Variants in ADAMTS13 observed in about 807,000 individuals in gnomAD.
ADAMTS13 encodes A disintegrin and metalloproteinase with thrombospondin motifs 13.
Under a neutral mutation model 155.1 loss-of-function variants are expected in ADAMTS13, and 110 were observed. The ratio of observed to expected loss-of-function variants is 0.71; its 90% confidence interval spans 0.61 to 0.83. The LOEUF is 0.83. Ranked by LOEUF, ADAMTS13 falls within the 40% of genes least tolerant of loss-of-function variation. The probability of loss-of-function intolerance (pLI) is 0.00; values close to 1 mark genes in which losing one functional copy is unlikely to be tolerated. For missense variants in ADAMTS13, 1,707 were observed against 1,891.7 expected, an observed-to-expected ratio of 0.90 and a Z score of 1.81; for synonymous variants, 758 against 756.4, an observed-to-expected ratio of 1.00 and a Z score of -0.03.
chr9:133,433,253 G>T (rs948118590), intron 9 of ADAMTS13, 125 bp from the exon 10 acceptor site: 1 of 1,316,862 alleles, frequency 7.6e-7, no homozygotes, highest in Non-Finnish European at 1.1e-6. Context: ...TTTGGGGGTC[G>T]CTGTGGGTGG....
chr9:133,425,642 A>T lies in ADAMTS13; in HGVS notation c.414+30A>T, dbSNP rs782241664. 2 of 1,607,852 alleles carry T rather than the reference A, an allele frequency of 1.2e-6. No homozygotes were observed. The highest frequency in any genetic ancestry group is 1.7e-6 in the Non-Finnish European group (2 of 1,176,690). On this transcript the variant is annotated intron_variant, in intron 4 of 28. Coordinates refer to ENST00000355699, the MANE Select transcript of ADAMTS13 (RefSeq NM_139027.6). This position sits in a 1 kb window ranked among gnomAD's most constrained non-coding sequence, Gnocchi z 4.6. ...GCATGGAGCTGGAACTCAGCACACC[A>T]TACAGAGCGGGAAGCCCAAGTCATC...
chr9:133,425,501 G>T lies in ADAMTS13; in HGVS notation c.331-28G>T. On this transcript the variant is annotated intron_variant, in intron 3 of 28. Coordinates refer to ENST00000355699, the MANE Select transcript of ADAMTS13 (RefSeq NM_139027.6). This position sits in a 1 kb window ranked among gnomAD's most constrained non-coding sequence, Gnocchi z 4.6. ...GGGGCTGGCAATGCCCACCCGACGG[G>T]TTACCTCTCTCATCTGCCCTTGCAC... is the stretch of plus-strand genomic sequence containing the variant. 6.2e-7 allele frequency: 1 copy of T among 1,605,086 alleles called. No individual in the cohort carries two copies. The highest frequency in any genetic ancestry group is 8.5e-7 in the Non-Finnish European group (1 of 1,176,124).
At chr9:133,433,582 C>T (rs1363017349) in intron 10 of ADAMTS13, 53 bp downstream of exon 10, 18 of 1,613,662 alleles carry the variant, frequency 1.1e-5, no homozygotes, top group Non-Finnish European at 1.2e-5. Flanking sequence ...ACCATAGTCC[C>T]TAGTTGAAGG....
chr9:133,437,369 C>T (rs1841314740), intron 12 of ADAMTS13, among the ~76,000 whole-genome samples: 2 of 152,098 alleles, frequency 1.3e-5, no homozygotes, highest in African/African-American at 4.8e-5. Flanking sequence ...GGATTCTTGC[C>T]CCTCAGCCTC....
upstream of ADAMTS13, among the ~76,000 whole-genome samples, chr9:133,421,134 C>T (rs914759815): frequency 5.3e-5 from 8 of 152,278 alleles, no homozygotes; most frequent in East Asian, 7.7e-4. Flanking sequence ...GGCGTGATGG[C>T]GGGTGCCTGT....
intron 1 of ADAMTS13, among the ~76,000 whole-genome samples, chr9:133,422,756 A>G (rs909471664): frequency 6.6e-6 from 1 of 151,860 alleles, no homozygotes; most frequent in African/African-American, 2.4e-5. Context: ...TCATTCGGTG[A>G]AGCTGAACAG....
upstream of ADAMTS13, among the ~76,000 whole-genome samples, chr9:133,419,567 G>C (rs781882666): frequency 3.3e-5 from 5 of 152,156 alleles, no homozygotes; most frequent in Admixed American, 6.6e-5. Flanking sequence ...AGGAGGCTGA[G>C]GGGGAGCAGT....
upstream of ADAMTS13, chr9:133,417,516 A>T: frequency 8.2e-7 from 1 of 1,214,348 alleles, no homozygotes; most frequent in Non-Finnish European, 1.2e-6. Flanking sequence ...TTTCGATTCA[A>T]ATCTGCCTTT....
rs937977711 is a variant in ADAMTS13 at position 133,457,213 on chromosome 9, C to T, written c.3724+494C>T. ...CCTCGATATCCTCTGATAGCCCTCT[C>T]GGTTGTCCTGGGGGGCTTGCCCTCT... On this transcript the variant is annotated intron_variant, in intron 27 of 28. Transcript: ENST00000355699. Among the ~76,000 whole-genome samples the T allele has an allele frequency of 3.9e-5, 6 of 152,200 alleles. No homozygotes were observed. In the South Asian group the frequency reaches 6.2e-4, roughly 16 times the overall value.
chr9:133,446,089 G>A (rs1304526430), intron 21 of ADAMTS13, among the ~76,000 whole-genome samples: 2 of 152,180 alleles, frequency 1.3e-5, no homozygotes, highest in African/African-American at 4.8e-5. Flanking sequence ...AGCGGCCGGG[G>A]GGTCCCCAAT....
chr9:133,447,150 T>C (rs587622446), intron 21 of ADAMTS13, among the ~76,000 whole-genome samples: 1 of 152,042 alleles, frequency 6.6e-6, no homozygotes, highest in African/African-American at 2.4e-5. Context: ...CCCCCACACC[T>C]GGCCTATTTC....
chr9:133,437,941 T>C (rs1007586330), intron 13 of ADAMTS13, 44 bp downstream of exon 13: 3 of 1,611,544 alleles, frequency 1.9e-6, no homozygotes, highest in Middle Eastern at 3.4e-4. Context: ...GGCCTACCTG[T>C]CCTATCGGAA....
intron 11 of ADAMTS13, among the ~76,000 whole-genome samples, chr9:133,436,092 C>T (rs1233323147): frequency 6.6e-6 from 1 of 150,398 alleles, no homozygotes; most frequent in Non-Finnish European, 1.5e-5. Context: ...GCTGGGATTA[C>T]ACGCGTGAGC....
At chr9:133,439,339 C>G in intron 14 of ADAMTS13, 27 bp from the exon 15 acceptor site, 1 of 1,537,258 alleles carries the variant, frequency 6.5e-7, no homozygotes, top group Non-Finnish European at 9.0e-7. Flanking sequence ...GAGGTCCACG[C>G]ATCTCTCCTT....
intron 23 of ADAMTS13, among the ~76,000 whole-genome samples, chr9:133,452,875 CT>C (rs1194739088): frequency 6.6e-6 from 1 of 152,220 alleles, no homozygotes; most frequent in Non-Finnish European, 1.5e-5. Flanking sequence ...GGATACTCCC[CT>C]GACTTAGGGC....
chr9:133,420,402 T>A (rs1479712028), upstream of ADAMTS13, among the ~76,000 whole-genome samples: 3 of 152,154 alleles, frequency 2.0e-5, no homozygotes, highest in Admixed American at 1.3e-4. Flanking sequence ...CAGCAGTTTG[T>A]AAACCAGGGC....
At position 133,440,971 on chromosome 9, in the gene ADAMTS13, C is replaced by T. The variant is rs1343748114; in HGVS notation, c.1968+446C>T. Reference sequence around the variant, plus strand: ...GTTTGTGGGGAGATGAAGGCATGGACGCAGGTGCAGTGGCATCTGGGGAGT... The same window carrying T: ...GTTTGTGGGGAGATGAAGGCATGGATGCAGGTGCAGTGGCATCTGGGGAGT... On this transcript the variant is annotated intron_variant, in intron 16 of 28. Coordinates refer to ENST00000355699, the MANE Select transcript of ADAMTS13 (RefSeq NM_139027.6). This position sits in a 1 kb window ranked among gnomAD's most constrained non-coding sequence, Gnocchi z 4.3. Among the ~76,000 whole-genome samples, 2 of 152,046 alleles carry T rather than the reference C, an allele frequency of 1.3e-5. No individual in the cohort carries two copies. Among genetic ancestry groups the T allele is most frequent in the African/African-American group, 2.4e-5 (1 of 41,404 alleles).
At position 133,456,181 on chromosome 9, in the gene ADAMTS13, C is replaced by T. The variant is rs1554795896; in HGVS notation, c.3513C>T (p.Leu1171=). 6.2e-7 allele frequency: 1 copy of T among 1,613,580 alleles called. No individual in the cohort carries two copies. The highest frequency in any genetic ancestry group is 1.7e-5 in the Admixed American group (1 of 60,034). The part of the protein sequence containing the change: ...IGRPLGEVVT[L]RVLESSLNCS... ...GGCCCCTCGGGGAGGTGGTGACCCT[C>T]CGCGTCCTTGAGAGTTCTCTCAACT... The change falls in exon 26 of 29, where the codon CTC becomes CTT. Residue 1171 remains leucine, a synonymous_variant. Transcript: ENST00000355699. The surrounding 1 kb of genome is among the most constrained non-coding windows in gnomAD (Gnocchi z 4.4).
chr9:133,454,461 G>C lies in ADAMTS13; in HGVS notation c.3091G>C (p.Gly1031Arg), dbSNP rs950831649. ...CCCATGTTCGGCCAGCTGTGGCCTT[G>C]GCACTGCTAGACGCTCGGTGGCCTG... ...LGPCSASCGLGTARRSVACVQ... is the reference protein window; with the variant it reads ...LGPCSASCGLRTARRSVACVQ... The change falls in exon 24 of 29, where the codon GGC (glycine) becomes CGC (arginine). Residue 1031 changes from glycine (G) to arginine (R), a missense_variant. By Grantham distance (125) the Gly-to-Arg change is moderately radical. This residue lies in a region of ADAMTS13 where 961 missense variants were observed against 1,107.9 expected (regional missense o/e 0.87). Coordinates refer to ENST00000355699, the MANE Select transcript of ADAMTS13 (RefSeq NM_139027.6). The C allele has an allele frequency of 4.3e-6, 7 of 1,613,576 alleles. No individual in the cohort carries two copies. Among genetic ancestry groups the C allele is most frequent in the African/African-American group, 1.3e-5 (1 of 74,950 alleles).
Sources: allele counts gnomAD v4.1 joint callset (sites outside exome capture counted in the v4.1 genomes callset), GRCh38; gene constraint gnomAD v4.1.1; regional missense constraint gnomAD v4.1.1; non-coding constraint Gnocchi (gnomAD v3.1); transcripts MANE v1.5; gene names NCBI Gene and HGNC (gene_info 2026-07-23, HGNC 2026-07-21).